Variants in PTPRE observed in about 807,000 individuals in gnomAD.
PTPRE encodes the protein protein tyrosine phosphatase receptor type E.
PTPRE carries 51 observed loss-of-function variants against 102.0 expected under a neutral mutation model. The ratio of observed to expected loss-of-function variants is 0.50; its 90% CI spans 0.40 to 0.63. The LOEUF (loss-of-function observed/expected upper bound fraction) is 0.63. Among genes scored for constraint, PTPRE ranks in the 30% least tolerant of loss-of-function variants. PTPRE has a pLI of 0.00. For missense variants in PTPRE, 752 were observed against 915.1 expected (o/e 0.82, Z 2.30); for synonymous variants, 345 against 348.2 (o/e 0.99, Z 0.10).
At chr10:127,935,135 C>G (rs781641248) in intron 1 of PTPRE, among the ~76,000 whole-genome samples, 19 of 152,188 alleles carry the variant, frequency 1.2e-4, no homozygotes, top group Non-Finnish European at 2.1e-4. Context: ...CTGTCTCCCC[C>G]AGCAGTCCCC....
intron 2 of PTPRE, among the ~76,000 whole-genome samples, chr10:127,989,437 C>G (rs1852413786): frequency 6.6e-6 from 1 of 152,212 alleles, no homozygotes; most frequent in Non-Finnish European, 1.5e-5. Context: ...CAAGTGGGCC[C>G]CCTAAACATG....
chr10:127,954,429 G>A (rs1008685389), intron 1 of PTPRE, among the ~76,000 whole-genome samples: 1 of 152,178 alleles, frequency 6.6e-6, no homozygotes, highest in Non-Finnish European at 1.5e-5. Flanking sequence ...TCTGGATATG[G>A]ATATGCTTCT....
At chr10:128,016,058 G>T (rs1432255410) in intron 2 of PTPRE, among the ~76,000 whole-genome samples, 5 of 152,090 alleles carry the variant, frequency 3.3e-5, no homozygotes, top group African/African-American at 1.2e-4. Context: ...TCCTGGGGTT[G>T]CAGGAGGGGA....
intron 1 of PTPRE, among the ~76,000 whole-genome samples, chr10:127,916,517 T>A (rs779436685): frequency 2.0e-4 from 31 of 152,216 alleles, no homozygotes; most frequent in Non-Finnish European, 3.4e-4. Context: ...CAGTTCTTTA[T>A]AGCAGTATGA....
chr10:127,984,568 T>G (rs1851924109), intron 2 of PTPRE, among the ~76,000 whole-genome samples: 1 of 152,200 alleles, frequency 6.6e-6, no homozygotes, highest in Admixed American at 6.5e-5. Context: ...GCCACTGATA[T>G]GGTTTGGCTC....
intron 15 of PTPRE, chr10:128,071,273 G>A (rs891264347): frequency 3.3e-4 from 95 of 289,258 alleles, no homozygotes; most frequent in African/African-American, 1.9e-3. Flanking sequence ...GCAGAGGCCC[G>A]CCTCCCCCTT....
At chr10:128,047,292 G>C in intron 3 of PTPRE, 98 bp from the exon 4 acceptor site, 1 of 1,457,446 alleles carries the variant, frequency 6.9e-7, no homozygotes, top group East Asian at 2.5e-5. Context: ...AATATAGTTT[G>C]GGGTTCTGGT....
Position 128,070,073 on chromosome 10 carries a change from C to A in PTPRE, c.1144-228C>A. 1 of 686,932 alleles carries A rather than the reference C, an allele frequency of 1.5e-6. No homozygotes were observed. The highest frequency in any genetic ancestry group is 2.4e-6 in the Non-Finnish European group (1 of 414,388). The allele number at this position is 686,932 out of a possible 1,614,324, so 42.6% of individuals were successfully genotyped here. A position where few individuals can be genotyped will look rare whatever the true frequency, so the allele number is the denominator to read the frequency against. On this transcript the variant is annotated intron_variant, in intron 13 of 20. Coordinates refer to ENST00000254667, the MANE Select transcript of PTPRE (RefSeq NM_006504.6). This position sits in a 1 kb window ranked among gnomAD's most constrained non-coding sequence, Gnocchi z 4.8. ...TACTCCCCCAAACGGTGCATGTACA[C>A]AGTGCGTGGCGTGCTCACCAATGTG...
rs144099917 is a variant in PTPRE, at chr10:127,988,582, G to A, written c.-8+6286G>A. ...GGTCTCCCAAAGTGCTGGGATTACA[G>A]GCATGAGCCACCCTACCTGGCCTGC... On this transcript the variant is annotated intron_variant, in intron 2 of 20. Transcript: ENST00000254667. Among the ~76,000 whole-genome samples the A allele has an allele frequency of 7.2e-5, 11 of 152,312 alleles. No homozygotes were observed. The East Asian group carries it at 1.9e-3, about 27-fold the overall frequency.
At chr10:128,015,882 G>T (rs1412921605) in intron 2 of PTPRE, among the ~76,000 whole-genome samples, 1 of 152,202 alleles carries the variant, frequency 6.6e-6, no homozygotes, top group East Asian at 1.9e-4. Flanking sequence ...ATGCTGTTCT[G>T]CAGTCCAAAG....
At chr10:127,960,845 C>G (rs373857991) in intron 1 of PTPRE, among the ~76,000 whole-genome samples, 1 of 152,090 alleles carries the variant, frequency 6.6e-6, no homozygotes, top group Admixed American at 6.5e-5. Flanking sequence ...TGGTGAAACC[C>G]CGTCTCTACT....
chr10:127,921,252 C>A (rs539038615), intron 1 of PTPRE, among the ~76,000 whole-genome samples: 2 of 152,246 alleles, frequency 1.3e-5, no homozygotes, highest in Non-Finnish European at 2.9e-5. Flanking sequence ...CTCACAGCTG[C>A]AAAACCAGGT....
chr10:128,019,633 CCATT>C (rs1554923595), intron 2 of PTPRE, among the ~76,000 whole-genome samples: 2 of 147,352 alleles, frequency 1.4e-5, no homozygotes, highest in African/African-American at 2.7e-5. Context: ...CTATGTCAGC[CCATT>C]CATTCATTCA....
At chr10:127,913,657 A>G (rs545011802) in intron 1 of PTPRE, among the ~76,000 whole-genome samples, 113 of 152,266 alleles carry the variant, frequency 7.4e-4, no homozygotes, top group African/African-American at 2.6e-3. Context: ...TAACATGCAC[A>G]AGGGCGCTCT....
intron 11 of PTPRE, among the ~76,000 whole-genome samples, chr10:128,066,572 C>A (rs900023659): frequency 1.1e-4 from 17 of 152,196 alleles, no homozygotes; most frequent in Admixed American, 3.3e-4. Flanking sequence ...CTGTCTGAAA[C>A]CTCCTCGTTA....
At position 128,077,680 on chromosome 10, in the gene PTPRE, G is replaced by A. The variant is rs999632916; in HGVS notation, c.1789G>A (p.Glu597Lys). 1 of 1,613,852 alleles carries A rather than the reference G, an allele frequency of 6.2e-7. No homozygotes were observed. The highest frequency in any genetic ancestry group is 2.2e-5 in the East Asian group (1 of 44,878). ...CCAGTTTCACTTCCACGGCTGGCCTGAGATCGGGATTCCCGCCGAGGGCAA... is the reference window on the plus strand; with the variant it reads ...CCAGTTTCACTTCCACGGCTGGCCTAAGATCGGGATTCCCGCCGAGGGCAA... ...VRQFHFHGWPEIGIPAEGKGM... is the reference protein window; with the variant it reads ...VRQFHFHGWPKIGIPAEGKGM... Residue 597 changes from glutamate (E) to lysine (K), a missense_variant, in exon 19 of 21, where the codon GAG (glutamate) becomes AAG (lysine). This residue lies in a region of PTPRE where 636 missense variants were observed against 824.4 expected (regional missense o/e 0.77). Transcript: ENST00000254667.
intron 11 of PTPRE, among the ~76,000 whole-genome samples, chr10:128,067,361 CGTG>C (rs1850317596): frequency 8.3e-6 from 1 of 120,610 alleles, no homozygotes; most frequent in African/African-American, 3.2e-5. Context: ...CACACGCACA[CGTG>C]CACACATGCA....
At chr10:127,995,543 C>T (rs1039040676) in intron 2 of PTPRE, among the ~76,000 whole-genome samples, 7 of 152,236 alleles carry the variant, frequency 4.6e-5, no homozygotes, top group African/African-American at 1.4e-4. Flanking sequence ...CAGACCCTGA[C>T]GGTGGGGTTT....
chr10:128,076,179 C>T (rs576346849), intron 17 of PTPRE, among the ~76,000 whole-genome samples: 1 of 152,204 alleles, frequency 6.6e-6, no homozygotes, highest in South Asian at 2.1e-4. Flanking sequence ...TACCTTAAAC[C>T]TTACTCCATC....
Sources: allele counts gnomAD v4.1 joint callset (sites outside exome capture counted in the v4.1 genomes callset), GRCh38; gene constraint gnomAD v4.1.1; regional missense constraint gnomAD v4.1.1; non-coding constraint Gnocchi (gnomAD v3.1); transcripts MANE v1.5; gene names NCBI Gene and HGNC (gene_info 2026-07-23, HGNC 2026-07-21).